VSIG2: variants seen among roughly 807,000 people sequenced by gnomAD.
VSIG2 encodes V-set and immunoglobulin domain-containing protein 2.
VSIG2 carries 30 observed loss-of-function variants against 29.4 expected under a neutral mutation model. The observed-to-expected ratio is 1.02, with a 90% CI of 0.76 to 1.38. The LOEUF (loss-of-function observed/expected upper bound fraction) is 1.38, where lower values mean the gene tolerates loss of function less well. Ranked by LOEUF, VSIG2 falls within the 40% of genes most tolerant of loss-of-function variation. VSIG2 has a pLI of 0.00. For synonymous variants in VSIG2, 178 were observed against 174.2 expected, an observed-to-expected ratio of 1.02 and a Z score of -0.17; for missense variants, 421 against 400.8, an observed-to-expected ratio of 1.05 and a Z score of -0.43.
At chr11:124,748,327 C>T in intron 6 of VSIG2, 63 bp downstream of exon 6, 1 of 1,508,344 alleles carries the variant, frequency 6.6e-7, no homozygotes, top group Non-Finnish European at 9.0e-7. Context: ...GGGTTGCAGG[C>T]ACCCGCTTTT....
intron 6 of VSIG2, 22 bp downstream of exon 6, chr11:124,748,368 A>AC: frequency 6.4e-7 from 1 of 1,567,850 alleles, no homozygotes; most frequent in South Asian, 1.2e-5. Flanking sequence ...TCCTTGCGCC[A>AC]CCCCCCAGCC....
At chr11:124,750,971 A>G (rs1415213972) in intron 2 of VSIG2, 50 bp from the exon 3 acceptor site, 1 of 1,586,852 alleles carries the variant, frequency 6.3e-7, no homozygotes, top group South Asian at 1.1e-5. Flanking sequence ...GCCTGGCATC[A>G]ACTCTACAGT....
At chr11:124,748,589 C>T (rs918783311) in intron 5 of VSIG2, 55 bp from the exon 6 acceptor site, 165 of 1,606,518 alleles carry the variant, frequency 1.0e-4, no homozygotes, top group Non-Finnish European at 1.3e-4. Flanking sequence ...GGCCCACCAG[C>T]CGACAGCTTC....
intron 1 of VSIG2, 109 bp downstream of exon 1, chr11:124,751,968 C>G: frequency 7.6e-7 from 1 of 1,320,770 alleles, no homozygotes; most frequent in Non-Finnish European, 1.0e-6. Context: ...CCCCTGGCGC[C>G]CACGGCAGCC....
intron 4 of VSIG2, 114 bp downstream of exon 4, chr11:124,749,594 T>C: frequency 1.4e-6 from 2 of 1,389,732 alleles, no homozygotes; most frequent in Non-Finnish European, 2.0e-6. Flanking sequence ...GGGAAAGGTA[T>C]AGTGGTTTGT....
intron 3 of VSIG2, 44 bp downstream of exon 3, chr11:124,750,670 T>C: frequency 1.3e-6 from 2 of 1,595,506 alleles, no homozygotes; most frequent in Non-Finnish European, 1.7e-6. Context: ...ACGCCCCAAG[T>C]ATGTGAAAGA....
chr11:124,749,904 T>G, intron 3 of VSIG2, 38 bp from the exon 4 acceptor site: 1 of 1,190,602 alleles, frequency 8.4e-7, no homozygotes, highest in Non-Finnish European at 1.1e-6. Flanking sequence ...AACAGAAAGT[T>G]CCTCAGCAAT....
intron 2 of VSIG2, among the ~76,000 whole-genome samples, chr11:124,751,145 G>C (rs1184287321): frequency 6.6e-6 from 1 of 152,070 alleles, no homozygotes; most frequent in Non-Finnish European, 1.5e-5. Context: ...CTCTCAAAGA[G>C]AGAGGCAGAA....
Position 124,752,165 on chromosome 11 carries a change from C to A in VSIG2, c.-28G>T. On this transcript the variant is annotated 5_prime_UTR_variant, in exon 1 of 7. Coordinates refer to ENST00000326621, the MANE Select transcript of VSIG2 (RefSeq NM_014312.5). ...CCGCGTCCGGCCGTCCTGTCCTGCT[C>A]CTGCCAGGTGGGCGGTCAAGGTCGG... 6.5e-7 allele frequency: 1 copy of A among 1,547,552 alleles called. No homozygotes were observed.
Position 124,749,882 on chromosome 11 carries a change from A to AAC in VSIG2, c.428-17_428-16insGT. 1 of 1,514,514 alleles carries AAC rather than the reference A, an allele frequency of 6.6e-7. No individual in the cohort carries two copies. Among genetic ancestry groups the AAC allele is most frequent in the Non-Finnish European group, 8.8e-7 (1 of 1,134,218 alleles). The allele number at this position is 1,514,514 out of a possible 1,614,324, so 93.8% of individuals were successfully genotyped here. ...CTGGGGGGAACTGCAAAAAAAAAAA[A>AAC]AAAAAAAAAAAAACAGAAAGTTCCT... On this transcript the variant is annotated splice_polypyrimidine_tract_variant and intron_variant, in intron 3 of 6. Coordinates refer to ENST00000326621, the MANE Select transcript of VSIG2 (RefSeq NM_014312.5).
rs376974429 is a variant in VSIG2 at position 124,749,885 on chromosome 11, A to ACAAAACAAAAAC, written c.428-20_428-19insGTTTTTGTTTTG. On this transcript the variant is annotated intron_variant, in intron 3 of 6. Coordinates refer to ENST00000326621, the MANE Select transcript of VSIG2 (RefSeq NM_014312.5). ...GGGGGAACTGCAAAAAAAAAAAAAAAAAAAAAAAAACAGAAAGTTCCTCAG... is the reference window on the plus strand; with the variant it reads ...GGGGGAACTGCAAAAAAAAAAAAAAACAAAACAAAAACAAAAAAAAAACAGAAAGTTCCTCAG... 7.0e-6 allele frequency: 10 copies of ACAAAACAAAAAC among 1,419,150 alleles called. No individual in the cohort carries two copies. The East Asian group carries it at 2.2e-4, about 31-fold the overall frequency. The allele number at this position is 1,419,150 out of a possible 1,614,324, so 87.9% of individuals were successfully genotyped here. A position where few individuals can be genotyped will look rare whatever the true frequency, so the allele number is the denominator to read the frequency against.
chr11:124,751,644 C>T, intron 1 of VSIG2, 64 bp from the exon 2 acceptor site: 1 of 1,475,966 alleles, frequency 6.8e-7, no homozygotes, highest in Admixed American at 2.3e-5. Flanking sequence ...GTCGGGCCCA[C>T]CCCCGGGCAT....
Position 124,750,423 on chromosome 11 carries a change from C to A in VSIG2, c.427+291G>T, listed in dbSNP as rs556224081. On this transcript the variant is annotated intron_variant, in intron 3 of 6. Transcript: ENST00000326621. The stretch of plus-strand genomic sequence containing the variant: ...AGAATCCAACTACCGATGAGAGCCT[C>A]CCCCATGATGGAGCTGCTGGGAGCA... Among the ~76,000 whole-genome samples, 51 of 152,216 alleles carry A rather than the reference C, an allele frequency of 3.4e-4. No homozygotes were observed. In the South Asian group the frequency reaches 8.9e-3, roughly 27 times the overall value.
chr11:124,752,193 T>A lies in VSIG2; in HGVS notation c.-56A>T. ...GCCAGGTGGGCGGTCAAGGTCGGTC[T>A]GGGTGTCGGGCAGGGAAGGGAGCAC... On this transcript the variant is annotated 5_prime_UTR_variant, in exon 1 of 7. Coordinates refer to ENST00000326621, the MANE Select transcript of VSIG2 (RefSeq NM_014312.5). 1 of 1,497,188 alleles carries A rather than the reference T, an allele frequency of 6.7e-7. No individual in the cohort carries two copies. The highest frequency in any genetic ancestry group is 1.3e-5 in the South Asian group (1 of 77,144). 92.7% of individuals were successfully genotyped at this position (1,497,188 alleles called of 1,614,324 possible). A position where few individuals can be genotyped will look rare whatever the true frequency, so the allele number is the denominator to read the frequency against.
Position 124,752,121 on chromosome 11 carries a change from C to T in VSIG2, c.17G>A (p.Gly6Glu), listed in dbSNP as rs375346830. The change falls in exon 1 of 7, where the codon GGG becomes GAG. Residue 6 changes from glycine to glutamate, a missense_variant. Gly to Glu is a moderately conservative substitution (Grantham distance 98). Coordinates refer to ENST00000326621, the MANE Select transcript of VSIG2 (RefSeq NM_014312.5). ...TAGCAGGGCCCCGCAGAGAAAGGGC[C>T]CCGGGAGCTCGGCCATGGCCGCGTC... MAELP[G>E]PFLCGALLGF... is the part of the protein sequence containing the mutation. The T allele has an allele frequency of 3.1e-6, 5 of 1,604,254 alleles. No homozygotes were observed. The highest frequency in any genetic ancestry group is 2.2e-5 in the South Asian group (2 of 90,486).
rs375655321 is a variant in VSIG2, at chr11:124,751,564, C to A, written c.78G>T (p.Val26=). Residue 26 remains valine (V), a synonymous_variant, in exon 2 of 7, where the codon GTG becomes GTT. Transcript: ENST00000326621. ...TGCTCAGCGGCTCTGTGGGTACCTT[C>A]ACCTCCACGGCCAGCCCTGGGGCCG... ...FLCLSGLAVE[V]KVPTEPLSTP... 6.2e-6 allele frequency: 10 copies of A among 1,601,902 alleles called. No homozygotes were observed. The African/African-American group carries it at 1.2e-4, about 19-fold the overall frequency.
At position 124,748,709 on chromosome 11, in the gene VSIG2, G is replaced by A. The variant is rs758744292; in HGVS notation, c.641C>T (p.Thr214Ile). ...CTGGTTGGTGGCCACACAGCGGTAG[G>A]TGCCCGAGGAGGTCAGGGAGAGGTT... ...LTNLSLTSSG[T>I]YRCVATNQMG... Residue 214 changes from threonine (T) to isoleucine (I), a missense_variant, in exon 5 of 7, where the codon ACC becomes ATC. Thr to Ile is a moderately conservative substitution (Grantham distance 89, BLOSUM62 -1). Coordinates refer to ENST00000326621, the MANE Select transcript of VSIG2 (RefSeq NM_014312.5). The A allele has an allele frequency of 6.2e-7, 1 of 1,614,208 alleles. No individual in the cohort carries two copies. The highest frequency in any genetic ancestry group is 8.5e-7 in the Non-Finnish European group (1 of 1,180,052).
At chr11:124,751,624 G>C in intron 1 of VSIG2, 44 bp from the exon 2 acceptor site, 1 of 1,528,570 alleles carries the variant, frequency 6.5e-7, no homozygotes, top group Non-Finnish European at 8.7e-7. Context: ...AAATTCCAGT[G>C]ATCTGGAGGG....
chr11:124,748,107 TC>T (rs1447906689), intron 6 of VSIG2: 3 of 437,374 alleles, frequency 6.9e-6, no homozygotes, highest in Non-Finnish European at 8.1e-6. Flanking sequence ...GAAAATACCT[TC>T]GGAACAGAAA....
Sources: allele counts gnomAD v4.1 joint callset (sites outside exome capture counted in the v4.1 genomes callset), GRCh38; gene constraint gnomAD v4.1.1; transcripts MANE v1.5; gene names NCBI Gene and HGNC (gene_info 2026-07-23, HGNC 2026-07-21).